The following DCLK1 variants were observed in gnomAD, a reference collection of about 807,000 sequenced individuals.
DCLK1 encodes serine/threonine-protein kinase DCLK1.
Under a neutral mutation model 86.2 loss-of-function variants are expected in DCLK1, and 16 were observed. The observed-to-expected ratio is 0.19, with a 90% CI of 0.13 to 0.28. DCLK1 has a LOEUF of 0.28. Among genes scored for constraint, DCLK1 ranks in the 10% least tolerant of loss-of-function variants. The pLI is 1.00. For synonymous variants in DCLK1, 369 were observed against 370.5 expected (o/e 1.00, Z 0.05); for missense variants, 590 against 940.2 (o/e 0.63, Z 4.87).
chr13:35,790,337 C>T (rs2086690049), intron 16 of DCLK1, among the ~76,000 whole-genome samples: 1 of 152,002 alleles, frequency 6.6e-6, no homozygotes, highest in African/African-American at 2.4e-5. Flanking sequence ...CACAGATTCT[C>T]TGATGAGCAT....
intron 4 of DCLK1, among the ~76,000 whole-genome samples, chr13:35,914,379 A>ATATATATATG (rs1875282508): frequency 2.4e-5 from 3 of 122,490 alleles, no homozygotes; most frequent in African/African-American, 6.0e-5. Context: ...GTATATATAT[A>ATATATATATG]TATATATATA....
chr13:35,826,976 T>C (rs1449266093), intron 10 of DCLK1, among the ~76,000 whole-genome samples: 1 of 152,184 alleles, frequency 6.6e-6, no homozygotes, highest in African/African-American at 2.4e-5. Flanking sequence ...ATGCCATTTT[T>C]TAAAACTTCT....
chr13:36,020,445 C>T (rs113567567), intron 3 of DCLK1, among the ~76,000 whole-genome samples: 23 of 152,182 alleles, frequency 1.5e-4, no homozygotes, highest in African/African-American at 5.3e-4. Context: ...AAGGCTTGCA[C>T]CAATTTGAGG....
intron 3 of DCLK1, among the ~76,000 whole-genome samples, chr13:35,966,236 C>CA (rs1441930606): frequency 6.6e-6 from 1 of 152,044 alleles, no homozygotes; most frequent in Non-Finnish European, 1.5e-5. Flanking sequence ...TGATTTCTCA[C>CA]AAAAAATTAA....
rs181003140 is a variant in DCLK1, at chr13:35,846,904, T to C, written c.1035+7595A>G. 4.5e-4 allele frequency: 444 copies of C among 985,338 alleles called. 1 individual carries two copies. The highest frequency in any genetic ancestry group is 3.7e-3 in the Middle Eastern group (7 of 1,914). 61.0% of individuals were successfully genotyped at this position (985,338 alleles called of 1,614,324 possible). A position where few individuals can be genotyped will look rare whatever the true frequency, so the allele number is the denominator to read the frequency against. On this transcript the variant is annotated intron_variant, in intron 6 of 16. Transcript: ENST00000360631. ...AACAGTTTAGAGTTTTGAAAGAACA[T>C]ACAGAATCGCCTTACAGGTTATCTG...
At chr13:35,794,586 C>G (rs563435609) in intron 15 of DCLK1, among the ~76,000 whole-genome samples, 34 of 152,312 alleles carry the variant, frequency 2.2e-4, no homozygotes, top group African/African-American at 7.9e-4. Context: ...TGGACATTAA[C>G]TGCATGCCTA....
Position 36,126,217 on chromosome 13 carries a change from A to ATT in DCLK1, c.-19-63_-19-62dup, listed in dbSNP as rs113810001. 1.2e-4 allele frequency: 148 copies of ATT among 1,196,900 alleles called. No individual in the cohort carries two copies. In the African/African-American group the frequency reaches 2.2e-3, roughly 18 times the overall value. The allele number at this position is 1,196,900 out of a possible 1,614,324, so 74.1% of individuals were successfully genotyped here. A position where few individuals can be genotyped will look rare whatever the true frequency, so the allele number is the denominator to read the frequency against. ...TGATGTAGGTTATATATATATATAT[A>ATT]TTTTTTTGTTTTTGTTTTTTTTATG... On this transcript the variant is annotated intron_variant, in intron 1 of 16. Transcript: ENST00000360631.
intron 4 of DCLK1, among the ~76,000 whole-genome samples, chr13:35,877,347 G>A (rs894642879): frequency 6.6e-6 from 1 of 152,190 alleles, no homozygotes; most frequent in African/African-American, 2.4e-5. Flanking sequence ...TGGTAGGTAG[G>A]CTGAAGTGTT....
intron 3 of DCLK1, among the ~76,000 whole-genome samples, chr13:36,037,103 A>G (rs115705358): frequency 0.011 from 1,690 of 152,306 alleles, 34 homozygotes; most frequent in African/African-American, 0.039. Flanking sequence ...ACATGAATGG[A>G]ACTGGAGGCC....
chr13:35,956,889 T>C (rs1878017321), intron 3 of DCLK1, among the ~76,000 whole-genome samples: 2 of 152,204 alleles, frequency 1.3e-5, no homozygotes, highest in South Asian at 4.1e-4. Flanking sequence ...TGGTACTACG[T>C]AAACCCATAC....
intron 3 of DCLK1, among the ~76,000 whole-genome samples, chr13:35,987,166 A>G (rs1879959239): frequency 6.6e-6 from 1 of 152,188 alleles, no homozygotes; most frequent in Non-Finnish European, 1.5e-5. Flanking sequence ...TCACGCCTGT[A>G]ATCCCAGCAC....
chr13:35,837,150 T>C (rs1036978212), intron 7 of DCLK1, among the ~76,000 whole-genome samples: 1 of 152,212 alleles, frequency 6.6e-6, no homozygotes, highest in African/African-American at 2.4e-5. Context: ...GCTTTCTTAG[T>C]AGTTTTTGTA....
At position 35,826,293 on chromosome 13, in the gene DCLK1, G is replaced by C. The variant is rs944994078; in HGVS notation, c.1407+1342C>G. Among the ~76,000 whole-genome samples, 8 of 151,412 alleles carry C rather than the reference G, an allele frequency of 5.3e-5. No individual in the cohort carries two copies. The South Asian group carries it at 1.5e-3, about 28-fold the overall frequency. ...AATCCCAGCACTTTGGGAGGCCGAG[G>C]TGGGCGGATCACCTGAGGTTGGGAG... On this transcript the variant is annotated intron_variant, in intron 10 of 16. Transcript: ENST00000360631.
At chr13:36,123,654 A>G (rs1336462445) in intron 2 of DCLK1, among the ~76,000 whole-genome samples, 1 of 152,214 alleles carries the variant, frequency 6.6e-6, no homozygotes, top group Non-Finnish European at 1.5e-5. Flanking sequence ...AGATCATTTA[A>G]CCACACTGTA....
At chr13:35,881,348 G>A (rs1051562824) in intron 4 of DCLK1, among the ~76,000 whole-genome samples, 2 of 152,066 alleles carry the variant, frequency 1.3e-5, no homozygotes, top group Non-Finnish European at 2.9e-5. Context: ...AACCAATCCC[G>A]TAGAGTGCCC....
chr13:35,791,208 C>T (rs192978840), intron 16 of DCLK1, among the ~76,000 whole-genome samples: 1 of 138,572 alleles, frequency 7.2e-6, no homozygotes, highest in South Asian at 2.3e-4. Flanking sequence ...ATCTGACAGG[C>T]ATTTTTTAAG....
At chr13:35,895,810 G>C (rs937910340) in intron 4 of DCLK1, among the ~76,000 whole-genome samples, 1 of 151,300 alleles carries the variant, frequency 6.6e-6, no homozygotes, top group African/African-American at 2.4e-5. Flanking sequence ...CGCTCTTTTA[G>C]TATAATGAAT....
At chr13:35,848,142 A>C (rs1158233995) in intron 6 of DCLK1, 2 of 985,222 alleles carry the variant, frequency 2.0e-6, no homozygotes, top group Non-Finnish European at 2.4e-6. Flanking sequence ...AAGGATTATC[A>C]TTAGGACAAA....
intron 3 of DCLK1, among the ~76,000 whole-genome samples, chr13:36,062,351 G>A (rs926432129): frequency 6.6e-6 from 1 of 152,144 alleles, no homozygotes; most frequent in African/African-American, 2.4e-5. Flanking sequence ...CCTGGAATGT[G>A]CATCATGGGG....
Sources: allele counts gnomAD v4.1 joint callset (sites outside exome capture counted in the v4.1 genomes callset), GRCh38; gene constraint gnomAD v4.1.1; transcripts MANE v1.5; gene names NCBI Gene and HGNC (gene_info 2026-07-23, HGNC 2026-07-21).